DPP10: variants seen among roughly 807,000 people sequenced by gnomAD.
DPP10 encodes the protein inactive dipeptidyl peptidase 10.
A neutral mutation model predicts 120.9 loss-of-function variants in DPP10; 33 were observed. The observed-to-expected ratio is 0.27, with a 90% CI of 0.21 to 0.37. DPP10 has a LOEUF of 0.37. DPP10 is among the 10% of genes least tolerant of loss of function. DPP10 has a pLI of 1.00. For missense variants in DPP10, 816 were observed against 942.8 expected (o/e 0.87, Z 1.76); for synonymous variants, 337 against 326.1 (o/e 1.03, Z -0.36).
intron 3 of DPP10, among the ~76,000 whole-genome samples, chr2:115,385,341 T>C (rs2066849534): frequency 1.4e-5 from 2 of 146,530 alleles, no homozygotes; most frequent in Non-Finnish European, 3.0e-5. Flanking sequence ...TCAATCATAT[T>C]TCTGTCTTTC....
Position 115,402,769 on chromosome 2 carries a change from A to G in DPP10, c.271+58857A>G, listed in dbSNP as rs182034389. ...ACCATTCAAAAAAACTGAAGTATAAACAATGCTTCCAAACTCATTTTATAT... is the reference window on the plus strand; with the variant it reads ...ACCATTCAAAAAAACTGAAGTATAAGCAATGCTTCCAAACTCATTTTATAT... On this transcript the variant is annotated intron_variant, in intron 3 of 25. Transcript: ENST00000410059. Among the ~76,000 whole-genome samples the G allele has an allele frequency of 1.8e-3, 273 of 150,052 alleles. 5 individuals carry two copies. Among genetic ancestry groups the G allele is most frequent in the Middle Eastern group, 0.014 (4 of 282 alleles).
chr2:114,626,760 C>T (rs1694544652), intron 1 of DPP10, among the ~76,000 whole-genome samples: 1 of 152,032 alleles, frequency 6.6e-6, no homozygotes, highest in Non-Finnish European at 1.5e-5. Context: ...GTATTTATTT[C>T]ATCGGAAATT....
At chr2:115,324,553 G>A (rs1448033317) in intron 2 of DPP10, among the ~76,000 whole-genome samples, 2 of 152,154 alleles carry the variant, frequency 1.3e-5, no homozygotes, top group African/African-American at 4.8e-5. Flanking sequence ...GAATTGAAGA[G>A]AGTTAGGACC....
chr2:115,047,775 A>G (rs1196342169), intron 1 of DPP10, among the ~76,000 whole-genome samples: 1 of 152,146 alleles, frequency 6.6e-6, no homozygotes, highest in South Asian at 2.1e-4. Flanking sequence ...TATTAGTAAC[A>G]AAAAGAGAGG....
intron 3 of DPP10, among the ~76,000 whole-genome samples, chr2:115,475,502 G>T (rs2105217991): frequency 6.6e-6 from 1 of 152,360 alleles, no homozygotes; most frequent in Middle Eastern, 3.4e-3. Flanking sequence ...CCTCCAGGAA[G>T]CCAATGTGGA....
intron 1 of DPP10, among the ~76,000 whole-genome samples, chr2:115,281,530 G>T (rs968779696): frequency 2.0e-5 from 3 of 152,180 alleles, no homozygotes; most frequent in Admixed American, 6.5e-5. Context: ...TGGTGAAATC[G>T]CATGAGCTCA....
chr2:114,687,078 C>T (rs998863407), intron 1 of DPP10, among the ~76,000 whole-genome samples: 3 of 151,912 alleles, frequency 2.0e-5, no homozygotes, highest in African/African-American at 4.8e-5. Flanking sequence ...AAAATTCCCA[C>T]GTAGGATAGG....
chr2:115,348,111 G>C lies in DPP10; in HGVS notation c.271+4199G>C, dbSNP rs539257078. 2.6e-5 allele frequency among the ~76,000 whole-genome samples: 4 copies of C among 152,216 alleles called. No individual in the cohort carries two copies. In the East Asian group the frequency reaches 7.7e-4, roughly 29 times the overall value. ...GGTCAGATACAGACTTTGCTTCTGA[G>C]ACTGCTCAGAGGCCTTCCAATATCT... On this transcript the variant is annotated intron_variant, in intron 3 of 25. Transcript: ENST00000410059.
rs150629228 is a variant in DPP10 at position 115,014,228 on chromosome 2, A to G, written c.61-295011A>G. 4.6e-3 allele frequency among the ~76,000 whole-genome samples: 702 copies of G among 152,198 alleles called. 10 individuals carry two copies. Among genetic ancestry groups the G allele is most frequent in the South Asian group, 7.3e-3 (35 of 4,822 alleles). On this transcript the variant is annotated intron_variant, in intron 1 of 25. Transcript: ENST00000410059. ...CACAACTACATGGAAACTGAACAAC[A>G]TGCTCCTGAATGACTACTGGGTAAT...
intron 7 of DPP10, among the ~76,000 whole-genome samples, chr2:115,723,544 C>A (rs1369702417): frequency 6.6e-6 from 1 of 150,378 alleles, no homozygotes; most frequent in East Asian, 2.0e-4. Flanking sequence ...TTTGACTCTT[C>A]TTTTTAGTTG....
chr2:115,406,076 A>G (rs982632393), intron 3 of DPP10, among the ~76,000 whole-genome samples: 1 of 152,208 alleles, frequency 6.6e-6, no homozygotes, highest in Non-Finnish European at 1.5e-5. Flanking sequence ...AAATTGACCA[A>G]ATCTTTTCAC....
intron 3 of DPP10, among the ~76,000 whole-genome samples, chr2:115,396,305 A>G (rs1212860917): frequency 6.6e-6 from 1 of 152,202 alleles, no homozygotes; most frequent in Non-Finnish European, 1.5e-5. Flanking sequence ...AACTGTGCTC[A>G]TTTGTGATCA....
Position 115,136,343 on chromosome 2 carries a change from T to C in DPP10, c.61-172896T>C, listed in dbSNP as rs553427585. 8.5e-5 allele frequency among the ~76,000 whole-genome samples: 13 copies of C among 152,176 alleles called. No individual in the cohort carries two copies. In the South Asian group the frequency reaches 2.7e-3, roughly 32 times the overall value. ...TGTGTGTCCTGTCCCAGTGTTTCTG[T>C]GATGATGTGGATGTCCTATGAAAAT... On this transcript the variant is annotated intron_variant, in intron 1 of 25. Transcript: ENST00000410059.
intron 1 of DPP10, among the ~76,000 whole-genome samples, chr2:115,074,769 C>T (rs1479638067): frequency 6.6e-6 from 1 of 152,082 alleles, no homozygotes; most frequent in Non-Finnish European, 1.5e-5. Context: ...GGAGAGCCAA[C>T]AGGATTTGCA....
chr2:115,698,591 C>G (rs924773854), intron 7 of DPP10, among the ~76,000 whole-genome samples: 1 of 152,148 alleles, frequency 6.6e-6, no homozygotes, highest in African/African-American at 2.4e-5. Flanking sequence ...CTCTTGCTGT[C>G]ACTCTCTTTC....
chr2:115,494,759 A>T (rs1229573325), intron 3 of DPP10, among the ~76,000 whole-genome samples: 1 of 152,110 alleles, frequency 6.6e-6, no homozygotes, highest in Non-Finnish European at 1.5e-5. Flanking sequence ...CAGAATTTCA[A>T]TTGTGGATAT....
chr2:115,317,232 CT>C (rs1361318289), intron 2 of DPP10, among the ~76,000 whole-genome samples: 1 of 152,186 alleles, frequency 6.6e-6, no homozygotes, highest in Non-Finnish European at 1.5e-5. Context: ...CACCAATCTA[CT>C]TCTGTTCTCT....
chr2:115,083,930 A>G (rs184576509), intron 1 of DPP10, among the ~76,000 whole-genome samples: 24 of 152,330 alleles, frequency 1.6e-4, no homozygotes, highest in Admixed American at 1.2e-3. Context: ...TTAATCAGTA[A>G]TATACTACTG....
intron 1 of DPP10, among the ~76,000 whole-genome samples, chr2:114,927,589 A>G (rs1169061784): frequency 6.6e-6 from 1 of 152,164 alleles, no homozygotes; most frequent in Non-Finnish European, 1.5e-5. Flanking sequence ...CGGAATATGC[A>G]TCCATCTCTG....
Sources: allele counts gnomAD v4.1 joint callset (sites outside exome capture counted in the v4.1 genomes callset), GRCh38; gene constraint gnomAD v4.1.1; transcripts MANE v1.5; gene names NCBI Gene and HGNC (gene_info 2026-07-23, HGNC 2026-07-21).